Variants in EREG observed in about 807,000 individuals in gnomAD.
EREG encodes epiregulin.
Under a neutral mutation model 22.4 loss-of-function variants are expected in EREG, and 23 were observed. That is an observed-to-expected ratio of 1.03 (90% CI 0.74 to 1.46). The LOEUF is 1.46. Among genes scored for constraint, EREG ranks in the 40% most tolerant of loss-of-function variants. The pLI is 0.00. For missense variants in EREG, 226 were observed against 205.9 expected, an observed-to-expected ratio of 1.10 and a Z score of -0.60; for synonymous variants, 100 against 75.4, an observed-to-expected ratio of 1.33 and a Z score of -1.69.
At chr4:74,374,631 T>C (rs1472315126) in intron 1 of EREG, among the ~76,000 whole-genome samples, 1 of 152,220 alleles carries the variant, frequency 6.6e-6, no homozygotes, top group African/African-American at 2.4e-5. Flanking sequence ...GTCTGACTGT[T>C]GGGCAACCAC....
intron 1 of EREG, among the ~76,000 whole-genome samples, chr4:74,371,317 C>T (rs1447543570): frequency 1.3e-5 from 2 of 152,020 alleles, no homozygotes; most frequent in African/African-American, 4.8e-5. Context: ...AAAGCCCATT[C>T]TCATGTTTAA....
chr4:74,381,084 T>C lies in EREG; in HGVS notation c.225T>C (p.Tyr75=), dbSNP rs2110388734. The C allele has an allele frequency of 6.2e-7, 1 of 1,613,788 alleles. No homozygotes were observed. The highest frequency in any genetic ancestry group is 8.5e-7 in the Non-Finnish European group (1 of 1,179,736). ...AGTGTAGCTCTGACATGAATGGCTA[T>C]TGTTTGCATGGACAGTGCATCTATC... ...ITKCSSDMNG[Y]CLHGQCIYLV... Residue 75 remains tyrosine (Y), a synonymous_variant, in exon 3 of 5, where the codon TAT becomes TAC. Coordinates refer to ENST00000244869, the MANE Select transcript of EREG (RefSeq NM_001432.3).
chr4:74,380,545 A>C lies in EREG; in HGVS notation c.155-469A>C, dbSNP rs181029763. ...CCTCAGCAACTTGAAAACATACACCAAAGCCAGCCTTACTGATTAAAAATC... is the reference window on the plus strand; with the variant it reads ...CCTCAGCAACTTGAAAACATACACCCAAGCCAGCCTTACTGATTAAAAATC... On this transcript the variant is annotated intron_variant, in intron 2 of 4. Transcript: ENST00000244869. Among the ~76,000 whole-genome samples the C allele has an allele frequency of 1.7e-3, 253 of 152,296 alleles. 2 individuals carry two copies. Among genetic ancestry groups the C allele is most frequent in the African/African-American group, 5.8e-3 (241 of 41,554 alleles).
intron 1 of EREG, among the ~76,000 whole-genome samples, chr4:74,376,179 G>A (rs1752380406): frequency 6.6e-6 from 1 of 152,180 alleles, no homozygotes; most frequent in Non-Finnish European, 1.5e-5. Context: ...TCCAAAGTAA[G>A]TTGGATTCTA....
chr4:74,381,143 A>G lies in EREG; in HGVS notation c.278+6A>G. The G allele has an allele frequency of 1.9e-6, 3 of 1,607,008 alleles. No homozygotes were observed. The highest frequency in any genetic ancestry group is 1.7e-6 in the Non-Finnish European group (2 of 1,177,944). ...ATGAGTCAAAACTACTGCAGGTAAT[A>G]TGTCAGAAATAAACAAACACAGTTT... On this transcript the variant is annotated splice_donor_region_variant and intron_variant, in intron 3 of 4. Transcript: ENST00000244869.
chr4:74,374,915 A>G (rs779933264), intron 1 of EREG, among the ~76,000 whole-genome samples: 63 of 152,214 alleles, frequency 4.1e-4, no homozygotes, highest in Non-Finnish European at 7.9e-4. Context: ...GATAGAAACA[A>G]TGACCTCTGA....
chr4:74,365,243 C>A lies in EREG; in HGVS notation c.-66C>A. ...AGCCACTGCCGCGAGCCCGTCTGCT[C>A]CCGCCCTGCCCGTGCACTCTCCGCA... On this transcript the variant is annotated 5_prime_UTR_variant, in exon 1 of 5. Coordinates refer to ENST00000244869, the MANE Select transcript of EREG (RefSeq NM_001432.3). The A allele has an allele frequency of 7.4e-7, 1 of 1,355,162 alleles. No homozygotes were observed. The highest frequency in any genetic ancestry group is 1.2e-5 in the South Asian group (1 of 83,526). 83.9% of individuals were successfully genotyped at this position (1,355,162 alleles called of 1,614,324 possible).
rs1263845023 is a variant in EREG at position 74,379,464 on chromosome 4, G to A, written c.84G>A (p.Gln28=). 1.2e-6 allele frequency: 2 copies of A among 1,607,230 alleles called. No individual in the cohort carries two copies. Among genetic ancestry groups the A allele is most frequent in the Non-Finnish European group, 1.7e-6 (2 of 1,173,858 alleles). The change falls in exon 2 of 5, where the codon CAG becomes CAA. Residue 28 remains glutamine (Q), a synonymous_variant. Transcript: ENST00000244869. Reference sequence around the variant, plus strand: ...CATAAATAGGTTTCCATCTTCTACAGGCAGTCCTCAGTACAACTGTGATTC... The same window carrying A: ...CATAAATAGGTTTCCATCTTCTACAAGCAGTCCTCAGTACAACTGTGATTC... The part of the protein sequence containing the change: ...LLLCLGFHLL[Q]AVLSTTVIPS...
Position 74,384,850 on chromosome 4 carries a change from G to T in EREG, c.*42G>T. 1 of 1,172,206 alleles carries T rather than the reference G, an allele frequency of 8.5e-7. No homozygotes were observed. Among genetic ancestry groups the T allele is most frequent in the South Asian group, 1.3e-5 (1 of 75,650 alleles). 72.6% of individuals were successfully genotyped at this position (1,172,206 alleles called of 1,614,324 possible). On this transcript the variant is annotated 3_prime_UTR_variant, in exon 5 of 5. Coordinates refer to ENST00000244869, the MANE Select transcript of EREG (RefSeq NM_001432.3). ...TATGGGCAGGGATAACAGTGTGCCTGGTTAATATTAATATTCCCATTTTAT... is the reference window on the plus strand; with the variant it reads ...TATGGGCAGGGATAACAGTGTGCCTTGTTAATATTAATATTCCCATTTTAT...
chr4:74,373,121 C>A (rs1173132660), intron 1 of EREG, among the ~76,000 whole-genome samples: 1 of 151,732 alleles, frequency 6.6e-6, no homozygotes, highest in African/African-American at 2.4e-5. Context: ...ATGTATTCTC[C>A]TGCATTCTGG....
chr4:74,375,609 G>A (rs2110386301), intron 1 of EREG, among the ~76,000 whole-genome samples: 1 of 151,948 alleles, frequency 6.6e-6, no homozygotes, highest in African/African-American at 2.4e-5. Context: ...GATTACAGGC[G>A]TGAGCCACCG....
intron 2 of EREG, among the ~76,000 whole-genome samples, chr4:74,379,854 T>G (rs985713216): frequency 3.9e-5 from 6 of 152,168 alleles, no homozygotes; most frequent in Non-Finnish European, 8.8e-5. Context: ...CTGACTGGAT[T>G]CCAGGCAAAA....
chr4:74,377,476 T>C (rs12504630), intron 1 of EREG, among the ~76,000 whole-genome samples: 147,831 of 152,306 alleles, frequency 0.97, 71,781 homozygotes, highest in East Asian at 1. Flanking sequence ...CTCTTTATGC[T>C]TTAGTTTTCT....
At position 74,379,652 on chromosome 4, in the gene EREG, A is replaced by G. The variant is rs1752441786; in HGVS notation, c.154+118A>G. On this transcript the variant is annotated intron_variant, in intron 2 of 4. Transcript: ENST00000244869. ...AAAAAAGGGTAAGAATAGCTGCTAT[A>G]TTACTTTTTAAATCACCATATAAAC... 5.1e-6 allele frequency: 3 copies of G among 585,432 alleles called. No homozygotes were observed. In the East Asian group the frequency reaches 8.3e-5, roughly 16 times the overall value. 36.3% of individuals were successfully genotyped at this position (585,432 alleles called of 1,614,324 possible). A position where few individuals can be genotyped will look rare whatever the true frequency, so the allele number is the denominator to read the frequency against.
chr4:74,367,194 G>A (rs1752200883), intron 1 of EREG, among the ~76,000 whole-genome samples: 1 of 152,128 alleles, frequency 6.6e-6, no homozygotes, highest in Non-Finnish European at 1.5e-5. Context: ...GATTTAAATT[G>A]CTATGCACAA....
At position 74,387,509 on chromosome 4, in the gene EREG, A is replaced by C. The variant is rs1473840222; in HGVS notation, c.*2701A>C. ...ATGCTTAAAAAAGCTAATCCCTAAA[A>C]TAGTTAGATCTTTGTAAATGCATAT... On this transcript the variant is annotated 3_prime_UTR_variant, in exon 5 of 5. Coordinates refer to ENST00000244869, the MANE Select transcript of EREG (RefSeq NM_001432.3). 6.6e-6 allele frequency: 1 copy of C among 152,220 alleles called. No homozygotes were observed. The highest frequency in any genetic ancestry group is 1.9e-4 in the East Asian group (1 of 5,202). 9.4% of individuals were successfully genotyped at this position (152,220 alleles called of 1,614,324 possible). A position where few individuals can be genotyped will look rare whatever the true frequency, so the allele number is the denominator to read the frequency against.
chr4:74,368,998 G>T (rs1221653195), intron 1 of EREG, among the ~76,000 whole-genome samples: 1 of 152,120 alleles, frequency 6.6e-6, no homozygotes, highest in Non-Finnish European at 1.5e-5. Context: ...GGCACATAAA[G>T]GTTGAGTGGC....
At position 74,386,652 on chromosome 4, in the gene EREG, TAAGAA is replaced by T. The variant is rs1344592770; in HGVS notation, c.*1845_*1849del. 7 of 152,196 alleles carry T rather than the reference TAAGAA, an allele frequency of 4.6e-5. No individual in the cohort carries two copies. The highest frequency in any genetic ancestry group is 1.3e-4 in the Admixed American group (2 of 15,284). 9.4% of individuals were successfully genotyped at this position (152,196 alleles called of 1,614,324 possible). A position where few individuals can be genotyped will look rare whatever the true frequency, so the allele number is the denominator to read the frequency against. On this transcript the variant is annotated 3_prime_UTR_variant, in exon 5 of 5. Transcript: ENST00000244869. The stretch of plus-strand genomic sequence containing the variant: ...TTAATACAGCTGAAGTCAAAATATG[TAAGAA>T]CACATTTTAAATACTCTACTTACAG...
At chr4:74,379,726 C>T (rs887904426) in intron 2 of EREG, among the ~76,000 whole-genome samples, 192 bp downstream of exon 2, 1 of 151,928 alleles carries the variant, frequency 6.6e-6, no homozygotes, top group Non-Finnish European at 1.5e-5. Flanking sequence ...GGAGAGGGAC[C>T]GGATAAATTA....
Sources: gnomAD v4.1 joint callset for allele counts (sites outside exome capture counted in the v4.1 genomes callset) on GRCh38, gnomAD v4.1.1 for gene constraint, MANE v1.5 for transcripts, NCBI Gene and HGNC (gene_info 2026-07-23, HGNC 2026-07-21) for gene names.